DIXDC1: variants seen among roughly 807,000 people sequenced by gnomAD.
DIXDC1 encodes the protein DIX domain containing 1.
Under a neutral mutation model 103.1 loss-of-function variants are expected in DIXDC1, and 64 were observed. That is an observed-to-expected ratio of 0.62 (90% CI 0.51 to 0.76). DIXDC1 has a LOEUF of 0.76. DIXDC1 is among the 30% of genes least tolerant of loss of function. The probability of loss-of-function intolerance (pLI) is 0.00; values close to 1 mark genes in which losing one functional copy is unlikely to be tolerated. For synonymous variants in DIXDC1, 266 were observed against 298.5 expected (o/e 0.89, Z 1.12); for missense variants, 759 against 834.2 (o/e 0.91, Z 1.11).
chr11:112,012,372 A>G (rs750109193), intron 17 of DIXDC1, among the ~76,000 whole-genome samples: 10 of 152,244 alleles, frequency 6.6e-5, no homozygotes, highest in Non-Finnish European at 1.2e-4. Flanking sequence ...TGGTAGATAC[A>G]TAGATGAGTG....
At chr11:111,987,047 G>C (rs1461670200) in intron 9 of DIXDC1, 123 bp downstream of exon 9, 1 of 632,934 alleles carries the variant, frequency 1.6e-6, no homozygotes. Flanking sequence ...TCAGGAGATC[G>C]AGACCATCCT....
intron 2 of DIXDC1, 69 bp downstream of exon 2, chr11:111,964,747 G>A: frequency 6.8e-7 from 1 of 1,472,636 alleles, no homozygotes; most frequent in Non-Finnish European, 9.0e-7. Context: ...TCCTTCTTAT[G>A]CCCTTTAGAG....
Position 111,977,503 on chromosome 11 carries a change from G to A in DIXDC1, c.656+2520G>A. The A allele has an allele frequency of 7.4e-7, 1 of 1,348,610 alleles. No homozygotes were observed. Among genetic ancestry groups the A allele is most frequent in the Non-Finnish European group, 9.5e-7 (1 of 1,054,062 alleles). 83.5% of individuals were successfully genotyped at this position (1,348,610 alleles called of 1,614,324 possible). ...TGCGAGGGGAGGCAGCTTCCGCCGG[G>A]GCCGGGCTGCTGCACAGTCTGAGCG... is the stretch of plus-strand genomic sequence containing the variant. On this transcript the variant is annotated intron_variant, in intron 5 of 19. Transcript: ENST00000440460. This position sits in a 1 kb window ranked among gnomAD's most constrained non-coding sequence, Gnocchi z 6.1.
chr11:111,946,145 T>G (rs1305192985), intron 1 of DIXDC1, among the ~76,000 whole-genome samples: 6 of 146,426 alleles, frequency 4.1e-5, no homozygotes, highest in Non-Finnish European at 9.0e-5. Flanking sequence ...GTCTTGCTCT[T>G]TCGCCTAGGC....
At chr11:111,943,618 G>A (rs185702518) in intron 1 of DIXDC1, among the ~76,000 whole-genome samples, 333 of 150,850 alleles carry the variant, frequency 2.2e-3, no homozygotes, top group Non-Finnish European at 3.7e-3. Context: ...TCCTGCCTCA[G>A]CCTCCCGAGT....
intron 2 of DIXDC1, among the ~76,000 whole-genome samples, chr11:111,930,089 G>A (rs782088492): frequency 9.9e-5 from 15 of 151,584 alleles, no homozygotes; most frequent in Non-Finnish European, 1.9e-4. Context: ...CTTGGACCTC[G>A]AGTCATCTTT....
chr11:112,003,611 C>G (rs1861135275), intron 17 of DIXDC1, among the ~76,000 whole-genome samples: 1 of 151,858 alleles, frequency 6.6e-6, no homozygotes, highest in Non-Finnish European at 1.5e-5. Flanking sequence ...CCAGCCTGAC[C>G]AACATGGAGA....
At chr11:111,933,417 G>A (rs1472287253), upstream of DIXDC1, among the ~76,000 whole-genome samples, 4 of 152,048 alleles carry the variant, frequency 2.6e-5, no homozygotes, top group South Asian at 2.1e-4. Context: ...TTACAGGCGT[G>A]AGCCACCGCT....
chr11:111,966,526 C>T (rs1859745979), intron 2 of DIXDC1, among the ~76,000 whole-genome samples: 1 of 151,640 alleles, frequency 6.6e-6, no homozygotes, highest in Admixed American at 6.6e-5. Context: ...GCCTCAGCCT[C>T]CTGAGTAGCT....
intron 3 of DIXDC1, among the ~76,000 whole-genome samples, chr11:111,969,854 C>T (rs1859856192): frequency 6.6e-6 from 1 of 152,088 alleles, no homozygotes; most frequent in African/African-American, 2.4e-5. Context: ...ATAGTACTGG[C>T]AGTCCTAGCC....
chr11:111,986,702 CTTGCTACT>C (rs1330480504), intron 8 of DIXDC1, among the ~76,000 whole-genome samples, 161 bp from the exon 9 acceptor site: 1 of 152,040 alleles, frequency 6.6e-6, no homozygotes, highest in Non-Finnish European at 1.5e-5. Flanking sequence ...TATAGATCTA[CTTGCTACT>C]TGATGCATAT....
intron 17 of DIXDC1, among the ~76,000 whole-genome samples, chr11:111,999,068 TG>T (rs1398946328): frequency 6.6e-6 from 1 of 152,220 alleles, no homozygotes; most frequent in Non-Finnish European, 1.5e-5. Flanking sequence ...AAAGTAATAT[TG>T]AAGAATTTGA....
intron 1 of DIXDC1, among the ~76,000 whole-genome samples, chr11:111,959,419 G>A (rs1431917989): frequency 2.0e-5 from 3 of 152,186 alleles, no homozygotes; most frequent in Non-Finnish European, 4.4e-5. Flanking sequence ...CTGCAGCATC[G>A]CAGGGAGCCA....
intron 2 of DIXDC1, among the ~76,000 whole-genome samples, chr11:111,968,070 T>A (rs1859794357): frequency 6.6e-6 from 1 of 152,276 alleles, no homozygotes; most frequent in African/African-American, 2.4e-5. Context: ...CCATGATCAC[T>A]GTACTTTATT....
At chr11:111,991,717 A>C (rs1258322603) in intron 10 of DIXDC1, among the ~76,000 whole-genome samples, 3 of 152,236 alleles carry the variant, frequency 2.0e-5, no homozygotes, top group Admixed American at 6.5e-5. Context: ...AATGCTATTA[A>C]GATCATAGGA....
chr11:111,949,220 C>T (rs1297097867), intron 1 of DIXDC1, among the ~76,000 whole-genome samples: 1 of 152,030 alleles, frequency 6.6e-6, no homozygotes, highest in African/African-American at 2.4e-5. Flanking sequence ...ATGGATCTCC[C>T]ACCCCGCCCC....
At chr11:111,937,132 G>C (rs868955026), upstream of DIXDC1, 10 of 369,518 alleles carry the variant, frequency 2.7e-5, no homozygotes, top group South Asian at 2.3e-4. Context: ...CGGCCCGGGC[G>C]GGGGGGGGGT....
chr11:111,991,166 C>T (rs1329511257), intron 10 of DIXDC1, among the ~76,000 whole-genome samples: 2 of 152,168 alleles, frequency 1.3e-5, no homozygotes, highest in African/African-American at 2.4e-5. Context: ...ATTCCGTAGG[C>T]TTAGTACTTT....
chr11:111,940,033 C>A (rs1370549285), intron 1 of DIXDC1, among the ~76,000 whole-genome samples: 2 of 152,178 alleles, frequency 1.3e-5, no homozygotes, highest in Non-Finnish European at 2.9e-5. Context: ...GGGCTGTGAC[C>A]TCATTCTCTA....
Sources: gnomAD v4.1 joint callset for allele counts (sites outside exome capture counted in the v4.1 genomes callset) on GRCh38, gnomAD v4.1.1 for gene constraint, Gnocchi (gnomAD v3.1) non-coding constraint, MANE v1.5 for transcripts, NCBI Gene and HGNC (gene_info 2026-07-23, HGNC 2026-07-21) for gene names.